Variants in CDH13 observed in about 807,000 individuals in gnomAD.
The protein encoded by CDH13 is cadherin 13.
In CDH13, 24 loss-of-function variants were observed where a neutral mutation model predicts 63.8. That is an observed-to-expected ratio of 0.38 (90% CI 0.27 to 0.53). CDH13 has a LOEUF of 0.53. Ranked by LOEUF, CDH13 falls within the 20% of genes least tolerant of loss-of-function variation. CDH13 has a pLI of 0.85. For missense variants in CDH13, 1,049 were observed against 903.1 expected, an observed-to-expected ratio of 1.16 and a Z score of -2.07; for synonymous variants, 503 against 355.3, an observed-to-expected ratio of 1.42 and a Z score of -4.67.
chr16:83,514,279 G>A (rs779290809), intron 7 of CDH13, among the ~76,000 whole-genome samples: 4 of 152,316 alleles, frequency 2.6e-5, no homozygotes, highest in Middle Eastern at 3.4e-3. Context: ...CTTTTCAGAT[G>A]TAATTAGCTA....
At chr16:83,184,188 T>G (rs1597480945) in intron 4 of CDH13, among the ~76,000 whole-genome samples, 1 of 150,686 alleles carries the variant, frequency 6.6e-6, no homozygotes, top group Non-Finnish European at 1.5e-5. Flanking sequence ...TGTTTCCAAA[T>G]CTGGCTTGAA....
intron 2 of CDH13, among the ~76,000 whole-genome samples, chr16:82,983,378 T>C (rs1910535164): frequency 6.6e-6 from 1 of 152,210 alleles, no homozygotes; most frequent in Non-Finnish European, 1.5e-5. Flanking sequence ...GTCTTCAATT[T>C]TAACTTGCAT....
intron 2 of CDH13, among the ~76,000 whole-genome samples, chr16:82,916,829 G>A (rs912423128): frequency 2.0e-5 from 3 of 152,098 alleles, no homozygotes; most frequent in African/African-American, 7.2e-5. Context: ...AGATAGTTGT[G>A]GAATATATAG....
In CDH13 at chr16:83,299,114, C is replaced by G. The variant is rs1166710024; in HGVS notation, c.637-45748C>G. On this transcript the variant is annotated intron_variant, in intron 5 of 13. Transcript: ENST00000567109. Reference sequence around the variant, plus strand: ...GCATATAATTTTACCAAAATAGAATCATACCATATACACTGTTTTGCAACC... The same window carrying G: ...GCATATAATTTTACCAAAATAGAATGATACCATATACACTGTTTTGCAACC... 3.3e-5 allele frequency among the ~76,000 whole-genome samples: 5 copies of G among 152,202 alleles called. No individual in the cohort carries two copies. The South Asian group carries it at 6.2e-4, about 19-fold the overall frequency.
chr16:82,788,071 G>A (rs1430352267), intron 1 of CDH13, among the ~76,000 whole-genome samples: 1 of 152,096 alleles, frequency 6.6e-6, no homozygotes, highest in African/African-American at 2.4e-5. Flanking sequence ...ATAAGTCAGT[G>A]CTCTCTGGAG....
intron 5 of CDH13, among the ~76,000 whole-genome samples, chr16:83,276,341 C>G (rs140064561): frequency 5.3e-5 from 8 of 152,282 alleles, no homozygotes; most frequent in East Asian, 3.9e-4. Context: ...AGGGTTTCCT[C>G]TTGTTCTCTG....
At chr16:82,836,346 C>T (rs939055878) in intron 1 of CDH13, among the ~76,000 whole-genome samples, 16 of 152,174 alleles carry the variant, frequency 1.1e-4, no homozygotes, top group South Asian at 2.1e-4. Flanking sequence ...GACTGGGTTT[C>T]GCCATGTTAA....
rs1387903508 is a variant in CDH13 at position 82,644,534 on chromosome 16, C to T, written c.45+17397C>T. ...CAAGGAAAGCAGCCTAGAGCTGGTC[C>T]CCAGACCAGGCCCAGTGCACGAGTT... On this transcript the variant is annotated intron_variant, in intron 1 of 13. Transcript: ENST00000567109. This position sits in a 1 kb window ranked among gnomAD's most constrained non-coding sequence, Gnocchi z 5.7. Among the ~76,000 whole-genome samples, 1 of 152,262 alleles carries T rather than the reference C, an allele frequency of 6.6e-6. No homozygotes were observed. The highest frequency in any genetic ancestry group is 1.9e-4 in the East Asian group (1 of 5,174).
intron 2 of CDH13, among the ~76,000 whole-genome samples, chr16:82,934,767 AG>A (rs1203313275): frequency 6.6e-6 from 1 of 152,228 alleles, no homozygotes; most frequent in Non-Finnish European, 1.5e-5. Flanking sequence ...TCTTTGCTAA[AG>A]CATAGCAAGA....
chr16:83,281,436 A>C lies in CDH13; in HGVS notation c.637-63426A>C, dbSNP rs182268605. On this transcript the variant is annotated intron_variant, in intron 5 of 13. Transcript: ENST00000567109. ...AGTAGTTTGATCTTTTATCCAGACCACTCAAACTTTCTCCACATCAGCAAT... is the reference window on the plus strand; with the variant it reads ...AGTAGTTTGATCTTTTATCCAGACCCCTCAAACTTTCTCCACATCAGCAAT... Among the ~76,000 whole-genome samples, 79 of 152,278 alleles carry C rather than the reference A, an allele frequency of 5.2e-4. 1 individual carries two copies. The highest frequency in any genetic ancestry group is 1.9e-3 in the African/African-American group (77 of 41,556).
intron 5 of CDH13, among the ~76,000 whole-genome samples, chr16:83,259,819 T>A (rs1906743201): frequency 6.6e-6 from 1 of 152,210 alleles, no homozygotes; most frequent in East Asian, 1.9e-4. Context: ...TACCTACCTT[T>A]CATGTTTCCA....
intron 1 of CDH13, among the ~76,000 whole-genome samples, chr16:82,834,065 T>C (rs2038660997): frequency 6.6e-6 from 1 of 152,206 alleles, no homozygotes; most frequent in Admixed American, 6.5e-5. Flanking sequence ...AGCCAGCTCA[T>C]CTGCTTTCAA....
At chr16:83,523,677 C>A (rs537453090) in intron 7 of CDH13, among the ~76,000 whole-genome samples, 4 of 152,210 alleles carry the variant, frequency 2.6e-5, no homozygotes, top group South Asian at 2.1e-4. Flanking sequence ...GGCTTGGGCT[C>A]TTCCTAGCGC....
chr16:82,637,117 C>G (rs150715649), intron 1 of CDH13, among the ~76,000 whole-genome samples: 1 of 152,156 alleles, frequency 6.6e-6, no homozygotes, highest in Non-Finnish European at 1.5e-5. Context: ...TACAAGGAAA[C>G]AGGACCTTTG....
At chr16:83,268,249 C>T (rs1409831505) in intron 5 of CDH13, among the ~76,000 whole-genome samples, 2 of 152,152 alleles carry the variant, frequency 1.3e-5, no homozygotes, top group Non-Finnish European at 2.9e-5. Flanking sequence ...TTGTATACAA[C>T]CTTCACAATA....
intron 2 of CDH13, among the ~76,000 whole-genome samples, chr16:82,965,516 A>AATTTATTTATTC (rs1226673706): frequency 6.6e-6 from 1 of 152,118 alleles, no homozygotes; most frequent in African/African-American, 2.4e-5. Flanking sequence ...CTGATAAGTG[A>AATTTATTTATTC]ATTTATTTAT....
chr16:83,658,494 C>T (rs1913101513), intron 8 of CDH13, among the ~76,000 whole-genome samples: 1 of 147,022 alleles, frequency 6.8e-6, no homozygotes, highest in African/African-American at 2.5e-5. Context: ...CGTATCCTCA[C>T]CAGCAAGGTC....
At chr16:83,728,640 A>C (rs567215819) in intron 10 of CDH13, among the ~76,000 whole-genome samples, 18 of 152,308 alleles carry the variant, frequency 1.2e-4, no homozygotes, top group African/African-American at 4.3e-4. Flanking sequence ...CCTTCAAAGC[A>C]CTGTGCCCAG....
intron 1 of CDH13, among the ~76,000 whole-genome samples, chr16:82,755,605 T>A (rs982219640): frequency 6.6e-6 from 1 of 152,280 alleles, no homozygotes; most frequent in African/African-American, 2.4e-5. Flanking sequence ...GTCCATCATC[T>A]GTTCATTTAT....
Sources: allele counts gnomAD v4.1 joint callset (sites outside exome capture counted in the v4.1 genomes callset), GRCh38; gene constraint gnomAD v4.1.1; non-coding constraint Gnocchi (gnomAD v3.1); transcripts MANE v1.5; gene names NCBI Gene and HGNC (gene_info 2026-07-23, HGNC 2026-07-21).